The following XXYLT1 variants were observed in gnomAD, a reference collection of about 807,000 sequenced individuals.
XXYLT1 encodes the protein xyloside xylosyltransferase 1.
In XXYLT1, 20 loss-of-function variants were observed where a neutral mutation model predicts 28.9. The ratio of observed to expected loss-of-function variants is 0.69; its 90% CI spans 0.49 to 1.00. The LOEUF is 1.00. Among genes scored for constraint, XXYLT1 ranks in the 50% least tolerant of loss-of-function variants. The probability of loss-of-function intolerance (pLI) is 0.00; values close to 1 mark genes in which losing one functional copy is unlikely to be tolerated. For synonymous variants in XXYLT1, 257 were observed against 253.8 expected (o/e 1.01, Z -0.12); for missense variants, 542 against 560.1 (o/e 0.97, Z 0.33).
At chr3:195,232,463 G>A (rs1724343304) in intron 1 of XXYLT1, among the ~76,000 whole-genome samples, 1 of 151,918 alleles carries the variant, frequency 6.6e-6, no homozygotes, top group Non-Finnish European at 1.5e-5. Flanking sequence ...CTAGTTCTAA[G>A]ACGCATCATT....
intron 2 of XXYLT1, among the ~76,000 whole-genome samples, chr3:195,196,081 C>T (rs1051144172): frequency 1.3e-5 from 2 of 152,318 alleles, no homozygotes; most frequent in South Asian, 2.1e-4. Context: ...AGGACAGCGC[C>T]GTCCAGCAGA....
At chr3:195,089,018 G>A (rs1444007033) in intron 3 of XXYLT1, among the ~76,000 whole-genome samples, 3 of 152,240 alleles carry the variant, frequency 2.0e-5, no homozygotes, top group Admixed American at 1.3e-4. Context: ...AGGAAATATG[G>A]GACTATGTGA....
intron 3 of XXYLT1, among the ~76,000 whole-genome samples, chr3:195,084,883 C>A (rs879628172): frequency 3.9e-5 from 6 of 152,198 alleles, no homozygotes; most frequent in Non-Finnish European, 8.8e-5. Flanking sequence ...GACAGTACAC[C>A]TTGGCTCTTG....
At chr3:195,258,010 C>G (rs1019410058) in intron 1 of XXYLT1, among the ~76,000 whole-genome samples, 4 of 152,176 alleles carry the variant, frequency 2.6e-5, no homozygotes, top group African/African-American at 9.7e-5. Context: ...CTAAGCAAAG[C>G]CTGCACTATG....
chr3:195,127,720 T>A (rs1361055359), intron 3 of XXYLT1, among the ~76,000 whole-genome samples: 1 of 152,044 alleles, frequency 6.6e-6, no homozygotes, highest in Non-Finnish European at 1.5e-5. Context: ...GAGGCTGCAG[T>A]AAGCCATGAT....
chr3:195,125,575 C>A (rs562924533), intron 3 of XXYLT1, among the ~76,000 whole-genome samples: 1 of 152,230 alleles, frequency 6.6e-6, no homozygotes, highest in African/African-American at 2.4e-5. Flanking sequence ...CTCCCCACCA[C>A]CTGATTCAAA....
At position 195,077,638 on chromosome 3, in the gene XXYLT1, C is replaced by G. The variant is rs1715198015; in HGVS notation, c.786-7527G>C. 6.6e-6 allele frequency among the ~76,000 whole-genome samples: 1 copy of G among 152,206 alleles called. No homozygotes were observed. The highest frequency in any genetic ancestry group is 2.4e-5 in the African/African-American group (1 of 41,456). ...CTCTGTGGGGCCCTGTAAAGCGCGG[C>G]CTGGGGCTGGACGTCGTAGGGGGTG... On this transcript the variant is annotated intron_variant, in intron 3 of 3. Coordinates refer to ENST00000310380, the MANE Select transcript of XXYLT1 (RefSeq NM_152531.5). The surrounding 1 kb of genome is among the most constrained non-coding windows in gnomAD (Gnocchi z 4.8).
rs1718806585 is a variant in XXYLT1 at position 195,129,685 on chromosome 3, T to A, written c.785+26764A>T. Among the ~76,000 whole-genome samples the A allele has an allele frequency of 6.6e-6, 1 of 152,264 alleles. No individual in the cohort carries two copies. The highest frequency in any genetic ancestry group is 1.5e-5 in the Non-Finnish European group (1 of 68,040). On this transcript the variant is annotated intron_variant, in intron 3 of 3. Transcript: ENST00000310380. The surrounding 1 kb of genome is among the most constrained non-coding windows in gnomAD (Gnocchi z 4.4). ...AATAATGCTGATATGAATGTTCATT[T>A]GCATGTTAGTGTGCGGGCGTATGTT...
At chr3:195,262,372 G>C (rs1725722714) in intron 1 of XXYLT1, among the ~76,000 whole-genome samples, 1 of 152,192 alleles carries the variant, frequency 6.6e-6, no homozygotes, top group African/African-American at 2.4e-5. Flanking sequence ...CAGGGTTTCT[G>C]AGGTGACAAG....
intron 1 of XXYLT1, among the ~76,000 whole-genome samples, chr3:195,249,689 C>T (rs1725176776): frequency 6.6e-6 from 1 of 152,214 alleles, no homozygotes; most frequent in African/African-American, 2.4e-5. Flanking sequence ...CCTCGCTTCA[C>T]TTGTCCTATT....
intron 3 of XXYLT1, among the ~76,000 whole-genome samples, chr3:195,136,235 C>T (rs777931773): frequency 2.6e-5 from 4 of 152,182 alleles, no homozygotes; most frequent in African/African-American, 7.2e-5. Context: ...ACTCGGACAG[C>T]GCTCAAACGC....
chr3:195,095,767 G>A (rs1311465968), intron 3 of XXYLT1: 1 of 152,440 alleles, frequency 6.6e-6, no homozygotes, highest in Non-Finnish European at 1.5e-5. Flanking sequence ...CACTGGAGGG[G>A]GAGTGAGTCT....
intron 3 of XXYLT1, among the ~76,000 whole-genome samples, chr3:195,130,207 C>T (rs1363435608): frequency 6.6e-6 from 1 of 152,170 alleles, no homozygotes; most frequent in African/African-American, 2.4e-5. Context: ...CTCTGAGGAC[C>T]CTCAGGTACA....
intron 1 of XXYLT1, among the ~76,000 whole-genome samples, chr3:195,266,759 C>T (rs1300266329): frequency 6.6e-6 from 1 of 152,184 alleles, no homozygotes; most frequent in Non-Finnish European, 1.5e-5. Context: ...CTCTGTAACT[C>T]CATCCAAATA....
intron 3 of XXYLT1, among the ~76,000 whole-genome samples, chr3:195,110,188 G>GT (rs1717460596): frequency 4.5e-5 from 3 of 66,192 alleles, no homozygotes; most frequent in East Asian, 2.7e-4. Flanking sequence ...GTGTGTGTGT[G>GT]GGTGAGGTGT....
intron 2 of XXYLT1, among the ~76,000 whole-genome samples, chr3:195,193,572 A>T (rs1722509265): frequency 6.6e-6 from 1 of 152,200 alleles, no homozygotes; most frequent in African/African-American, 2.4e-5. Flanking sequence ...GCAAAAACTT[A>T]AAAAAGCCAA....
Position 195,119,571 on chromosome 3 carries a change from T to C in XXYLT1, c.785+36878A>G, listed in dbSNP as rs542334595. On this transcript the variant is annotated intron_variant, in intron 3 of 3. Transcript: ENST00000310380. ...CCAAGTGAATCAAGTGTAAACACAC[T>C]CCTAGCCCGGGCCCCGCACAGAGTA... is the stretch of plus-strand genomic sequence containing the variant. 4.6e-5 allele frequency among the ~76,000 whole-genome samples: 7 copies of C among 152,120 alleles called. No homozygotes were observed. The South Asian group carries it at 1.5e-3, about 32-fold the overall frequency.
At chr3:195,117,142 C>CACACACACACACAT (rs1718088943) in intron 3 of XXYLT1, among the ~76,000 whole-genome samples, 2 of 148,296 alleles carry the variant, frequency 1.3e-5, no homozygotes, top group Admixed American at 1.3e-4. Flanking sequence ...CACACACACA[C>CACACACACACACAT]ATCCCCTTCA....
At chr3:195,193,275 G>A (rs370938885) in intron 2 of XXYLT1, among the ~76,000 whole-genome samples, 60 of 146,984 alleles carry the variant, frequency 4.1e-4, no homozygotes, top group African/African-American at 1.3e-3. Flanking sequence ...GCCACAGAGC[G>A]AGACTCCGTC....
Sources: allele counts gnomAD v4.1 joint callset (sites outside exome capture counted in the v4.1 genomes callset), GRCh38; gene constraint gnomAD v4.1.1; non-coding constraint Gnocchi (gnomAD v3.1); transcripts MANE v1.5; gene names NCBI Gene and HGNC (gene_info 2026-07-23, HGNC 2026-07-21).